The following SERBP1 variants were observed in gnomAD, a reference collection of about 807,000 sequenced individuals.
The protein encoded by SERBP1 is SERPINE1 mRNA binding protein 1, also known as SERPINE1 mRNA-binding protein 1.
In SERBP1, 6 loss-of-function variants were observed where a neutral mutation model predicts 50.2. The observed-to-expected ratio is 0.12, with a 90% confidence interval of 0.07 to 0.24. The LOEUF (loss-of-function observed/expected upper bound fraction) is 0.24, where lower values mean the gene tolerates loss of function less well. SERBP1 is among the 10% of genes least tolerant of loss of function. The pLI is 1.00. For missense variants in SERBP1, 346 were observed against 524.9 expected (o/e 0.66, Z 3.33); for synonymous variants, 168 against 182.8 (o/e 0.92, Z 0.65).
chr1:67,424,179 A>G, intron 5 of SERBP1, 21 bp downstream of exon 5: 2 of 1,599,594 alleles, frequency 1.3e-6, no homozygotes, highest in Admixed American at 3.5e-5. Flanking sequence ...GGTCATTACT[A>G]TTACACGCAA....
In SERBP1 at chr1:67,413,197, T is replaced by C. The variant is rs1370331044; in HGVS notation, c.*10A>G. On this transcript the variant is annotated 3_prime_UTR_variant, in exon 8 of 8. Transcript: ENST00000361219. ...TCACAAAGGAACCAGGGTTGTCTTATGGCATCCAGTTAAGCCAGAGCTGGG... is the reference window on the plus strand; with the variant it reads ...TCACAAAGGAACCAGGGTTGTCTTACGGCATCCAGTTAAGCCAGAGCTGGG... The C allele has an allele frequency of 3.1e-6, 5 of 1,599,610 alleles. No individual in the cohort carries two copies. Among genetic ancestry groups the C allele is most frequent in the African/African-American group, 2.7e-5 (2 of 73,866 alleles).
At chr1:67,419,073 G>A (rs1413742782) in intron 6 of SERBP1, among the ~76,000 whole-genome samples, 1 of 152,186 alleles carries the variant, frequency 6.6e-6, no homozygotes, top group East Asian at 1.9e-4. Context: ...CCATCAATGT[G>A]ACTTTCTCCA....
At chr1:67,416,771 T>C (rs774736332) in intron 6 of SERBP1, among the ~76,000 whole-genome samples, 16 of 152,182 alleles carry the variant, frequency 1.1e-4, no homozygotes, top group Admixed American at 2.6e-4. Flanking sequence ...TGTAAGGCAA[T>C]AGAATGTTCT....
chr1:67,415,199 A>G lies in SERBP1; in HGVS notation c.1092T>C (p.Gly364=). The G allele has an allele frequency of 6.2e-7, 1 of 1,606,340 alleles. No individual in the cohort carries two copies. Among genetic ancestry groups the G allele is most frequent in the Non-Finnish European group, 8.5e-7 (1 of 1,177,368 alleles). ...TCCTGCTGCCACGGTTTGGGCGCCC[A>G]CCACGCCCACGTCCACCTCGTCCTC... ...GRGGRGGRGR[G]GRPNRGSRTD... Residue 364 remains glycine (G), a synonymous_variant, in exon 7 of 8, where the codon GGT becomes GGC. Transcript: ENST00000361219.
At chr1:67,421,735 C>G (rs1455710499) in intron 5 of SERBP1, among the ~76,000 whole-genome samples, 1 of 152,126 alleles carries the variant, frequency 6.6e-6, no homozygotes, top group Non-Finnish European at 1.5e-5. Flanking sequence ...GGGAGGATCA[C>G]TTGAGGCCAG....
intron 6 of SERBP1, among the ~76,000 whole-genome samples, chr1:67,415,833 A>C (rs1570282522): frequency 6.6e-6 from 1 of 152,206 alleles, no homozygotes; most frequent in South Asian, 2.1e-4. Context: ...ACTAGGGTAA[A>C]GACCTTACTA....
In SERBP1 at chr1:67,408,104, T is replaced by A. The variant is rs2100393949; in HGVS notation, c.*5103A>T. 6.6e-6 allele frequency: 1 copy of A among 152,302 alleles called. No homozygotes were observed. The highest frequency in any genetic ancestry group is 2.1e-4 in the South Asian group (1 of 4,826). 9.4% of individuals were successfully genotyped at this position (152,302 alleles called of 1,614,324 possible). A position where few individuals can be genotyped will look rare whatever the true frequency, so the allele number is the denominator to read the frequency against. On this transcript the variant is annotated 3_prime_UTR_variant, in exon 8 of 8. Coordinates refer to ENST00000361219, the MANE Select transcript of SERBP1 (RefSeq NM_001018069.2). ...TTCCCTACTCAGTAATACATAAAAATCCTTAATATTAGCCCTTCACTTTCC... is the reference window on the plus strand; with the variant it reads ...TTCCCTACTCAGTAATACATAAAAAACCTTAATATTAGCCCTTCACTTTCC...
At chr1:67,415,784 T>G (rs2100415324) in intron 6 of SERBP1, among the ~76,000 whole-genome samples, 1 of 152,084 alleles carries the variant, frequency 6.6e-6, no homozygotes, top group South Asian at 2.1e-4. Context: ...AAAAGAACAC[T>G]CAGAAAGAAA....
At chr1:67,426,857 T>C (rs1461151453) in intron 1 of SERBP1, among the ~76,000 whole-genome samples, 1 of 151,992 alleles carries the variant, frequency 6.6e-6, no homozygotes, top group Non-Finnish European at 1.5e-5. Flanking sequence ...AAATTACAAA[T>C]CTGAAAGGAA....
rs1311050000 is a variant in SERBP1 at position 67,409,419 on chromosome 1, A to ACACACC, written c.*3787_*3788insGGTGTG. The ACACACC allele has an allele frequency of 3.2e-5, 4 of 125,036 alleles. No homozygotes were observed. Among genetic ancestry groups the ACACACC allele is most frequent in the African/African-American group, 1.1e-4 (3 of 28,440 alleles). The allele number at this position is 125,036 out of a possible 1,614,324, so 7.7% of individuals were successfully genotyped here. A position where few individuals can be genotyped will look rare whatever the true frequency, so the allele number is the denominator to read the frequency against. On this transcript the variant is annotated 3_prime_UTR_variant, in exon 8 of 8. Transcript: ENST00000361219. ...CACACACACACACACACACACACACACCCCCACACACACCAGGTCACAGGC... is the reference window on the plus strand; with the variant it reads ...CACACACACACACACACACACACACACACACCCCCCCACACACACCAGGTCACAGGC...
rs940941353 is a variant in SERBP1 at position 67,408,975 on chromosome 1, A to G, written c.*4232T>C. 30 of 152,014 alleles carry G rather than the reference A, an allele frequency of 2.0e-4. No individual in the cohort carries two copies. Among genetic ancestry groups the G allele is most frequent in the African/African-American group, 7.2e-4 (30 of 41,396 alleles). 9.4% of individuals were successfully genotyped at this position (152,014 alleles called of 1,614,324 possible). On this transcript the variant is annotated 3_prime_UTR_variant, in exon 8 of 8. Coordinates refer to ENST00000361219, the MANE Select transcript of SERBP1 (RefSeq NM_001018069.2). ...CTAGAACTAAACTTTTATTTTTCAGACAGTGTGTCACCCAGACTGGAGTAC... is the reference window on the plus strand; with the variant it reads ...CTAGAACTAAACTTTTATTTTTCAGGCAGTGTGTCACCCAGACTGGAGTAC...
At chr1:67,413,447 G>A (rs1211165982) in intron 7 of SERBP1, among the ~76,000 whole-genome samples, 184 bp from the exon 8 acceptor site, 2 of 152,048 alleles carry the variant, frequency 1.3e-5, no homozygotes, top group East Asian at 3.9e-4. Flanking sequence ...TCAGGAGTTT[G>A]AGACCAGCCT....
In SERBP1 at chr1:67,409,407, A is replaced by ACACACCCC. The variant is rs1666750784; in HGVS notation, c.*3799_*3800insGGGGTGTG. 2 of 108,356 alleles carry ACACACCCC rather than the reference A, an allele frequency of 1.8e-5. No individual in the cohort carries two copies. Among genetic ancestry groups the ACACACCCC allele is most frequent in the South Asian group, 3.7e-4 (1 of 2,722 alleles). 6.7% of individuals were successfully genotyped at this position (108,356 alleles called of 1,614,324 possible). ...CACGGACACACACACACACACACAC[A>ACACACCCC]CACACACACACACCCCCACACACAC... On this transcript the variant is annotated 3_prime_UTR_variant, in exon 8 of 8. Transcript: ENST00000361219.
At chr1:67,426,106 C>A in intron 2 of SERBP1, 29 bp downstream of exon 2, 1 of 1,589,374 alleles carries the variant, frequency 6.3e-7, no homozygotes, top group Non-Finnish European at 8.6e-7. Context: ...TAGACCAAGA[C>A]CCTGGCTCAA....
chr1:67,420,039 T>A lies in SERBP1; in HGVS notation c.921A>T (p.Gly307=). Residue 307 remains glycine (G), a synonymous_variant, in exon 6 of 8, where the codon GGA becomes GGT. Transcript: ENST00000361219. The stretch of plus-strand genomic sequence containing the variant: ...CACTCTTTGATTTATGAAGAACAAA[T>A]CCCTTCTTCCACTGCCCATCAGCAC... ...NEGADGQWKK[G]FVLHKSKSEE... 1.2e-6 allele frequency: 2 copies of A among 1,613,572 alleles called. No individual in the cohort carries two copies. Among genetic ancestry groups the A allele is most frequent in the Non-Finnish European group, 1.7e-6 (2 of 1,179,652 alleles).
At chr1:67,426,070 G>T (rs1667363772) in intron 2 of SERBP1, 65 bp downstream of exon 2, 2 of 1,398,332 alleles carry the variant, frequency 1.4e-6, no homozygotes, top group Admixed American at 2.2e-5. Context: ...AGCCAAGCTT[G>T]TACCACTGCA....
chr1:67,423,824 CAG>C (rs1667283510), intron 5 of SERBP1, among the ~76,000 whole-genome samples: 5 of 152,052 alleles, frequency 3.3e-5, no homozygotes, highest in Admixed American at 3.3e-4. Flanking sequence ...ACTAATCAAA[CAG>C]AAATAACCAC....
In SERBP1 at chr1:67,411,770, T is replaced by C. The variant is rs1332067624; in HGVS notation, c.*1437A>G. The C allele has an allele frequency of 1.3e-5, 2 of 152,222 alleles. No individual in the cohort carries two copies. Among genetic ancestry groups the C allele is most frequent in the Non-Finnish European group, 2.9e-5 (2 of 68,024 alleles). 9.4% of individuals were successfully genotyped at this position (152,222 alleles called of 1,614,324 possible). ...TTACCATATACAGGTAGAACATTTC[T>C]AAAAATGACGTGACAAACAATTCTT... is the stretch of plus-strand genomic sequence containing the variant. On this transcript the variant is annotated 3_prime_UTR_variant, in exon 8 of 8. Transcript: ENST00000361219.
At chr1:67,427,710 T>G (rs1667433292) in intron 1 of SERBP1, among the ~76,000 whole-genome samples, 1 of 152,230 alleles carries the variant, frequency 6.6e-6, no homozygotes, top group Admixed American at 6.5e-5. Context: ...TGAACAATAG[T>G]TGGCGTCCCC....
Sources: allele counts gnomAD v4.1 joint callset (sites outside exome capture counted in the v4.1 genomes callset), GRCh38; gene constraint gnomAD v4.1.1; transcripts MANE v1.5; gene names NCBI Gene and HGNC (gene_info 2026-07-23, HGNC 2026-07-21).